Variants in ARID1B observed in about 807,000 individuals in gnomAD.
ARID1B encodes the protein AT-rich interaction domain 1B.
In ARID1B, 30 loss-of-function variants were observed where a neutral mutation model predicts 212.3. The ratio of observed to expected loss-of-function variants is 0.14; its 90% CI spans 0.11 to 0.19. The LOEUF (loss-of-function observed/expected upper bound fraction) is 0.19. Among genes scored for constraint, ARID1B ranks in the 10% least tolerant of loss-of-function variants. ARID1B has a pLI of 1.00. For missense variants in ARID1B, 2,891 were observed against 3,204.0 expected (o/e 0.90, Z 2.36); for synonymous variants, 1,402 against 1,301.7 (o/e 1.08, Z -1.66).
chr6:156,967,746 G>A (rs1029166819), intron 4 of ARID1B, among the ~76,000 whole-genome samples: 2 of 152,042 alleles, frequency 1.3e-5, no homozygotes, highest in African/African-American at 4.8e-5. Context: ...TATTAATGAG[G>A]TCAAATTATT....
At chr6:156,869,125 A>G (rs562787641) in intron 2 of ARID1B, among the ~76,000 whole-genome samples, 8 of 152,292 alleles carry the variant, frequency 5.3e-5, no homozygotes, top group Admixed American at 2.0e-4. Flanking sequence ...GCTATATTGT[A>G]TGTGCATTGT....
At position 156,951,955 on chromosome 6, in the gene ARID1B, A is replaced by G. The variant is rs142418150; in HGVS notation, c.2247+16379A>G. Among the ~76,000 whole-genome samples the G allele has an allele frequency of 3.1e-3, 469 of 152,334 alleles. 4 individuals are homozygous for G. Among genetic ancestry groups the G allele is most frequent in the African/African-American group, 0.011 (454 of 41,578 alleles). On this transcript the variant is annotated intron_variant, in intron 4 of 19. Transcript: ENST00000636930. ...ATGCCACATAAATGATTGAATAATT[A>G]TCTGTTTTTGCTGTAACTTGCTTAA... is the stretch of plus-strand genomic sequence containing the variant.
chr6:156,895,612 G>A (rs1210540799), intron 2 of ARID1B, among the ~76,000 whole-genome samples: 2 of 152,154 alleles, frequency 1.3e-5, no homozygotes, highest in Non-Finnish European at 2.9e-5. Context: ...GTGGACTGGG[G>A]TGGAGGCAAA....
intron 1 of ARID1B, among the ~76,000 whole-genome samples, chr6:156,812,074 AG>A (rs1237325286): frequency 6.6e-6 from 1 of 152,224 alleles, no homozygotes; most frequent in Non-Finnish European, 1.5e-5. Flanking sequence ...AGGGCACAGG[AG>A]GTGCTCATTA....
intron 1 of ARID1B, among the ~76,000 whole-genome samples, chr6:156,796,738 A>G (rs1780408237): frequency 6.6e-6 from 1 of 152,234 alleles, no homozygotes. Context: ...TTACAAGGAC[A>G]GAGTGGAGAA....
At chr6:157,011,583 G>C (rs1039861728) in intron 4 of ARID1B, among the ~76,000 whole-genome samples, 1 of 152,168 alleles carries the variant, frequency 6.6e-6, no homozygotes, top group African/African-American at 2.4e-5. Context: ...AGAAAGTTAT[G>C]TTTTTATGAA....
At chr6:156,835,675 GACTTTCA>G (rs1278294718) in intron 2 of ARID1B, among the ~76,000 whole-genome samples, 1 of 152,122 alleles carries the variant, frequency 6.6e-6, no homozygotes, top group Non-Finnish European at 1.5e-5. Context: ...TTTACATATA[GACTTTCA>G]ACCTAAAATA....
At chr6:156,862,484 A>G (rs998570566) in intron 2 of ARID1B, among the ~76,000 whole-genome samples, 1 of 152,230 alleles carries the variant, frequency 6.6e-6, no homozygotes, top group Admixed American at 6.5e-5. Context: ...CGAAGGCAGA[A>G]CAGTAAGAGA....
intron 13 of ARID1B, among the ~76,000 whole-genome samples, chr6:157,188,265 G>T (rs1401845881): frequency 6.6e-6 from 1 of 152,026 alleles, no homozygotes; most frequent in Non-Finnish European, 1.5e-5. Context: ...GCATCTCTGA[G>T]AACTTCTCTA....
intron 1 of ARID1B, among the ~76,000 whole-genome samples, chr6:156,801,196 C>CTTTTTTTT (rs397887993): frequency 9.4e-6 from 1 of 105,938 alleles, no homozygotes; most frequent in Non-Finnish European, 1.9e-5. Context: ...CTTGAATAAT[C>CTTTTTTTT]TTTTTTTTTT....
intron 6 of ARID1B, among the ~76,000 whole-genome samples, chr6:157,119,011 A>G (rs1338396888): frequency 6.6e-6 from 1 of 152,208 alleles, no homozygotes; most frequent in Non-Finnish European, 1.5e-5. Flanking sequence ...ATTTATAACA[A>G]CACTTTTTCC....
intron 4 of ARID1B, among the ~76,000 whole-genome samples, chr6:156,975,919 T>A (rs1404700540): frequency 6.6e-6 from 1 of 151,978 alleles, no homozygotes; most frequent in Non-Finnish European, 1.5e-5. Context: ...TATCATTAGT[T>A]CTTATAGGTT....
chr6:156,970,978 C>T (rs1410616840), intron 4 of ARID1B, among the ~76,000 whole-genome samples: 3 of 152,182 alleles, frequency 2.0e-5, no homozygotes, highest in African/African-American at 2.4e-5. Flanking sequence ...CTTCTGCAGC[C>T]GGTGGAGCCC....
At chr6:157,150,852 G>C (rs1790146615) in intron 8 of ARID1B, 1 of 180,202 alleles carries the variant, frequency 5.5e-6, no homozygotes, top group South Asian at 2.0e-4. Context: ...TGACCAGTAC[G>C]GGTAGGTAGC....
At chr6:157,108,965 C>A (rs1786699285) in intron 5 of ARID1B, among the ~76,000 whole-genome samples, 1 of 152,192 alleles carries the variant, frequency 6.6e-6, no homozygotes, top group Admixed American at 6.5e-5. Flanking sequence ...GTTTTGCATT[C>A]TTCTCTAAAC....
Position 157,190,169 on chromosome 6 carries a change from C to T in ARID1B, c.4190C>T (p.Pro1397Leu), listed in dbSNP as rs759771283. Residue 1397 changes from proline (P) to leucine (L), a missense_variant, in exon 15 of 20, where the codon CCC becomes CTC. Pro to Leu is a moderately conservative substitution (Grantham distance 98, BLOSUM62 -3). Around this residue, in one of 7 missense-constraint regions of ARID1B, gnomAD observed 666 missense variants for 873.5 expected, o/e 0.76. Coordinates refer to ENST00000636930, the MANE Select transcript of ARID1B (RefSeq NM_001374828.1). The surrounding 1 kb of genome is among the most constrained non-coding windows in gnomAD (Gnocchi z 4.6). ...MSMPDVMGRM[P>L]YEPNKDPFGG... The stretch of plus-strand genomic sequence containing the variant: ...ATGCCCGATGTGATGGGCAGGATGC[C>T]CTATGAGCCCAACAAGGACCCCTTT... 1 of 1,613,954 alleles carries T rather than the reference C, an allele frequency of 6.2e-7. No homozygotes were observed. Among genetic ancestry groups the T allele is most frequent in the Non-Finnish European group, 8.5e-7 (1 of 1,179,994 alleles).
At chr6:157,194,630 AGTT>A (rs1793596093) in intron 15 of ARID1B, 1 of 152,346 alleles carries the variant, frequency 6.6e-6, no homozygotes, top group South Asian at 2.1e-4. Context: ...TGTTAGAAAT[AGTT>A]GTATTTCATC....
chr6:156,801,990 A>G (rs549074370), intron 1 of ARID1B, among the ~76,000 whole-genome samples: 15 of 152,376 alleles, frequency 9.8e-5, no homozygotes, highest in African/African-American at 3.1e-4. Context: ...AAATTGTCAA[A>G]AGCATGGAGA....
chr6:156,897,755 G>A (rs560641282), intron 2 of ARID1B, among the ~76,000 whole-genome samples: 174 of 152,174 alleles, frequency 1.1e-3, no homozygotes, highest in Non-Finnish European at 2.2e-3. Context: ...TTTTGGCCAA[G>A]GACACCGTGC....
Sources: gnomAD v4.1 joint callset for allele counts (sites outside exome capture counted in the v4.1 genomes callset) on GRCh38, gnomAD v4.1.1 for gene constraint, gnomAD v4.1.1 regional missense constraint, Gnocchi (gnomAD v3.1) non-coding constraint, MANE v1.5 for transcripts, NCBI Gene and HGNC (gene_info 2026-07-23, HGNC 2026-07-21) for gene names.